The following FMN1 variants were observed in gnomAD, a reference collection of about 807,000 sequenced individuals.
The protein encoded by FMN1 is formin-1.
Under a neutral mutation model 132.4 loss-of-function variants are expected in FMN1, and 110 were observed. The observed-to-expected ratio is 0.83, with a 90% CI of 0.71 to 0.97. FMN1 has a LOEUF of 0.97. Ranked by LOEUF, FMN1 falls within the 50% of genes least tolerant of loss-of-function variation. The pLI is 0.00. For synonymous variants in FMN1, 722 were observed against 651.7 expected, an observed-to-expected ratio of 1.11 and a Z score of -1.64; for missense variants, 1,792 against 1,705.3, an observed-to-expected ratio of 1.05 and a Z score of -0.90.
intron 6 of FMN1, chr15:33,012,881 G>A (rs1435638578): frequency 3.4e-6 from 2 of 585,080 alleles, no homozygotes; most frequent in Admixed American, 3.9e-5. Flanking sequence ...AACACTGGAG[G>A]TGGTGGAAGC....
intron 9 of FMN1, among the ~76,000 whole-genome samples, chr15:32,935,565 G>C (rs2061244720): frequency 6.6e-6 from 1 of 151,266 alleles, no homozygotes; most frequent in Non-Finnish European, 1.5e-5. Context: ...TTCTCCTTCT[G>C]TAACTGTCAC....
At chr15:33,081,098 C>T (rs1027168540) in intron 5 of FMN1, among the ~76,000 whole-genome samples, 3 of 152,108 alleles carry the variant, frequency 2.0e-5, no homozygotes, top group Admixed American at 1.3e-4. Context: ...GGGTACTCCA[C>T]GGCAAAACTT....
chr15:32,865,878 A>G (rs980255603), intron 16 of FMN1, among the ~76,000 whole-genome samples: 3 of 151,936 alleles, frequency 2.0e-5, no homozygotes, highest in African/African-American at 4.8e-5. Flanking sequence ...ATACCTACTA[A>G]AAATAACTGA....
intron 5 of FMN1, among the ~76,000 whole-genome samples, chr15:33,070,231 G>A (rs972573797): frequency 2.6e-5 from 4 of 151,138 alleles, no homozygotes; most frequent in African/African-American, 4.9e-5. Context: ...TCTCGAACTC[G>A]TGGCCTCAGG....
chr15:32,942,814 C>T (rs1031753204), intron 9 of FMN1, among the ~76,000 whole-genome samples: 1 of 152,156 alleles, frequency 6.6e-6, no homozygotes, highest in Admixed American at 6.5e-5. Context: ...GCCACATGTG[C>T]TATCACCAAT....
At chr15:32,777,538 A>ATACAACAC (rs1567149421) in intron 19 of FMN1, among the ~76,000 whole-genome samples, 1 of 81,446 alleles carries the variant, frequency 1.2e-5, no homozygotes, top group African/African-American at 4.5e-5. Flanking sequence ...ATAACATAAC[A>ATACAACAC]TTTATATATT....
At chr15:33,149,511 G>A (rs911332462) in intron 4 of FMN1, among the ~76,000 whole-genome samples, 10 of 152,026 alleles carry the variant, frequency 6.6e-5, no homozygotes, top group Non-Finnish European at 7.4e-5. Context: ...TTTCTTATTG[G>A]TACATATATT....
At chr15:33,185,538 T>G (rs1284718800) in intron 2 of FMN1, among the ~76,000 whole-genome samples, 3 of 151,600 alleles carry the variant, frequency 2.0e-5, no homozygotes, top group African/African-American at 7.3e-5. Flanking sequence ...CAATGAAAAT[T>G]TGTAGTAATT....
intron 6 of FMN1, among the ~76,000 whole-genome samples, chr15:33,021,406 CT>C (rs1664683082): frequency 6.6e-6 from 1 of 152,114 alleles, no homozygotes; most frequent in Non-Finnish European, 1.5e-5. Flanking sequence ...CTTCCAGCAA[CT>C]GGGGTGGAGT....
chr15:33,012,570 C>G, intron 6 of FMN1: 5 of 1,436,040 alleles, frequency 3.5e-6, no homozygotes, highest in South Asian at 3.4e-5. Flanking sequence ...CCTTTGTAAC[C>G]TTTGACAACC....
rs11855495 is a variant in FMN1, at chr15:32,956,371, T to A, written c.3138+7736A>T. On this transcript the variant is annotated intron_variant, in intron 9 of 20. Transcript: ENST00000616417. ...AAGTCCTAACCACTCTTTTTTTTTT[T>A]TAAAAAAATAAGCAAATAAAATAAA... 8.0e-3 allele frequency among the ~76,000 whole-genome samples: 1,000 copies of A among 124,702 alleles called. 15 individuals are homozygous for A. Among genetic ancestry groups the A allele is most frequent in the African/African-American group, 0.035 (921 of 26,260 alleles). 81.8% of individuals were successfully genotyped at this position (124,702 alleles called of 152,430 possible). A position where few individuals can be genotyped will look rare whatever the true frequency, so the allele number is the denominator to read the frequency against.
chr15:32,808,360 T>C (rs2057754398), intron 17 of FMN1, among the ~76,000 whole-genome samples: 1 of 152,196 alleles, frequency 6.6e-6, no homozygotes, highest in South Asian at 2.1e-4. Flanking sequence ...CTCTGTCAAA[T>C]GGAGATGATG....
chr15:32,809,144 T>C (rs1177758775), intron 17 of FMN1, among the ~76,000 whole-genome samples: 2 of 152,204 alleles, frequency 1.3e-5, no homozygotes, highest in Admixed American at 6.5e-5. Context: ...TCACCTGTTT[T>C]TTCCCCTTAA....
At position 32,902,027 on chromosome 15, in the gene FMN1, A is replaced by G; in HGVS notation, c.3391T>C (p.Leu1131=). ...TCAGCAAAATTAGGAATCTGGGCTA[A>G]CTCATGTAAAAATCTGTAAAAAAGA... The part of the protein sequence containing the change: ...LDKPEQFLHE[L]AQIPNFAERA... The change falls in exon 13 of 21, where the codon TTA becomes CTA. Residue 1131 remains leucine, a synonymous_variant. Transcript: ENST00000616417. The G allele has an allele frequency of 6.2e-7, 1 of 1,608,978 alleles. No homozygotes were observed. Among genetic ancestry groups the G allele is most frequent in the South Asian group, 1.1e-5 (1 of 89,544 alleles).
At chr15:33,046,719 A>T (rs915220291) in intron 6 of FMN1, among the ~76,000 whole-genome samples, 1 of 151,512 alleles carries the variant, frequency 6.6e-6, no homozygotes, top group Non-Finnish European at 1.5e-5. Context: ...GGCAAAAACG[A>T]TAAGAATTTC....
At position 33,023,078 on chromosome 15, in the gene FMN1, G is replaced by GAA. The variant is rs3081422; in HGVS notation, c.2162-15005_2162-15004dup. On this transcript the variant is annotated intron_variant, in intron 6 of 20. Coordinates refer to ENST00000616417, the MANE Select transcript of FMN1 (RefSeq NM_001277313.2). The stretch of plus-strand genomic sequence containing the variant: ...CCCACCCAAAAAAAAAAAAAAAAAA[G>GAA]AAAAAAAAGACCAAACCTCAAATCC... Among the ~76,000 whole-genome samples, 28 of 116,086 alleles carry GAA rather than the reference G, an allele frequency of 2.4e-4. 1 individual carries two copies. The highest frequency in any genetic ancestry group is 7.7e-4 in the Admixed American group (7 of 9,142). 76.2% of individuals were successfully genotyped at this position (116,086 alleles called of 152,430 possible).
intron 6 of FMN1, among the ~76,000 whole-genome samples, chr15:33,033,299 G>A (rs1446420065): frequency 6.6e-6 from 1 of 152,112 alleles, no homozygotes; most frequent in Non-Finnish European, 1.5e-5. Flanking sequence ...CAAAGTGCTG[G>A]GATTACAGGC....
intron 17 of FMN1, among the ~76,000 whole-genome samples, chr15:32,816,433 T>C (rs963231362): frequency 2.0e-5 from 3 of 152,216 alleles, no homozygotes; most frequent in Non-Finnish European, 4.4e-5. Context: ...AATATTATGG[T>C]TGCTATTTCT....
At chr15:33,096,003 A>C (rs1369135793) in intron 4 of FMN1, among the ~76,000 whole-genome samples, 1 of 150,044 alleles carries the variant, frequency 6.7e-6, no homozygotes, top group Non-Finnish European at 1.5e-5. Context: ...TAAATACCAA[A>C]AAAAAAAAAA....
Sources: allele counts gnomAD v4.1 joint callset (sites outside exome capture counted in the v4.1 genomes callset), GRCh38; gene constraint gnomAD v4.1.1; transcripts MANE v1.5; gene names NCBI Gene and HGNC (gene_info 2026-07-23, HGNC 2026-07-21).